ATOH7: variants seen among roughly 807,000 people sequenced by gnomAD.
ATOH7 encodes the protein atonal bHLH transcription factor 7, also known as transcription factor ATOH7.
In ATOH7, 11 loss-of-function variants were observed where a neutral mutation model predicts 11.0. That is an observed-to-expected ratio of 1.00 (90% CI 0.63 to 1.66). The LOEUF (loss-of-function observed/expected upper bound fraction) is 1.66. ATOH7 is among the 40% of genes most tolerant of loss of function. The probability of loss-of-function intolerance (pLI) is 0.00; values close to 1 mark genes in which losing one functional copy is unlikely to be tolerated. For synonymous variants in ATOH7, 98 were observed against 98.3 expected, an observed-to-expected ratio of 1.00 and a Z score of 0.02; for missense variants, 232 against 219.2, an observed-to-expected ratio of 1.06 and a Z score of -0.37.
At position 68,231,506 on chromosome 10, in the gene ATOH7, T is replaced by C. The variant is rs149474874; in HGVS notation, c.172A>G (p.Thr58Ala). ...RERRRMQGLN[T>A]AFDRLRRVVP... ...ACCCTGCGTAAGCGGTCGAAGGCAGTGTTGAGCCCCTGCATGCGGCGGCGC... is the reference window on the plus strand; with the variant it reads ...ACCCTGCGTAAGCGGTCGAAGGCAGCGTTGAGCCCCTGCATGCGGCGGCGC... Residue 58 changes from threonine to alanine, a missense_variant, in exon 1 of 1, where the codon ACT becomes GCT. By Grantham distance (58) the Thr-to-Ala change is moderately conservative (BLOSUM62 0). Coordinates refer to ENST00000373673, the MANE Select transcript of ATOH7 (RefSeq NM_145178.4). 4.8e-5 allele frequency: 70 copies of C among 1,451,370 alleles called. No individual in the cohort carries two copies. The highest frequency in any genetic ancestry group is 6.2e-5 in the Non-Finnish European group (67 of 1,088,804). 89.9% of individuals were successfully genotyped at this position (1,451,370 alleles called of 1,614,324 possible). A position where few individuals can be genotyped will look rare whatever the true frequency, so the allele number is the denominator to read the frequency against.
In ATOH7 at chr10:68,231,280, C is replaced by T; in HGVS notation, c.398G>A (p.Ser133Asn). The change falls in exon 1 of 1, where the codon AGC (serine) becomes AAC (asparagine). Residue 133 changes from serine to asparagine, a missense_variant. Ser to Asn is a conservative substitution (Grantham distance 46). Coordinates refer to ENST00000373673, the MANE Select transcript of ATOH7 (RefSeq NM_145178.4). Reference sequence around the variant, plus strand: ...GAAGAGTCTCTGGCTGTACAGCTCGCTCTCGCCCGGCAGCTTCGCGCCCGG... The same window carrying T: ...GAAGAGTCTCTGGCTGTACAGCTCGTTCTCGCCCGGCAGCTTCGCGCCCGG... ...PFPGAKLPGESELYSQRLFGF... is the reference protein window; with the variant it reads ...PFPGAKLPGENELYSQRLFGF... 1 of 1,608,866 alleles carries T rather than the reference C, an allele frequency of 6.2e-7. No individual in the cohort carries two copies. The highest frequency in any genetic ancestry group is 8.5e-7 in the Non-Finnish European group (1 of 1,178,472).
rs2044029167 is a variant in ATOH7, at chr10:68,231,728, A to C, written c.-51T>G. On this transcript the variant is annotated 5_prime_UTR_variant, in exon 1 of 1. Coordinates refer to ENST00000373673, the MANE Select transcript of ATOH7 (RefSeq NM_145178.4). Reference sequence around the variant, plus strand: ...GACCTCGCACGCCCGCCCGCTCAGGACCTGCGCGTGGGCTGGTCTCTCGAG... The same window carrying C: ...GACCTCGCACGCCCGCCCGCTCAGGCCCTGCGCGTGGGCTGGTCTCTCGAG... 1 of 1,121,794 alleles carries C rather than the reference A, an allele frequency of 8.9e-7. No individual in the cohort carries two copies. The highest frequency in any genetic ancestry group is 1.1e-6 in the Non-Finnish European group (1 of 902,722). 69.5% of individuals were successfully genotyped at this position (1,121,794 alleles called of 1,614,324 possible).
Position 68,230,859 on chromosome 10 carries a change from A to G in ATOH7, c.*360T>C, listed in dbSNP as rs868453364. 4.8e-6 allele frequency: 1 copy of G among 209,754 alleles called. No individual in the cohort carries two copies. Among genetic ancestry groups the G allele is most frequent in the African/African-American group, 2.3e-5 (1 of 43,764 alleles). 13.0% of individuals were successfully genotyped at this position (209,754 alleles called of 1,614,324 possible). A position where few individuals can be genotyped will look rare whatever the true frequency, so the allele number is the denominator to read the frequency against. On this transcript the variant is annotated 3_prime_UTR_variant, in exon 1 of 1. Coordinates refer to ENST00000373673, the MANE Select transcript of ATOH7 (RefSeq NM_145178.4). Reference sequence around the variant, plus strand: ...ACAGGACAAACTCACAAAGTTTAAGAAAGTGATTATTTCTCTGAGGACTGG... The same window carrying G: ...ACAGGACAAACTCACAAAGTTTAAGGAAGTGATTATTTCTCTGAGGACTGG...
Position 68,231,610 on chromosome 10 carries a change from G to C in ATOH7, c.68C>G (p.Thr23Ser). Reference protein sequence around the residue: ...ARVAPPCAGGTECAGTCAGAG... With the variant: ...ARVAPPCAGGSECAGTCAGAG... ...CCCGGCGCACGTGCCCGCGCACTCG[G>C]TGCCGCCCGCGCACGGGGGTGCAAC... Residue 23 changes from threonine (T) to serine (S), a missense_variant, in exon 1 of 1, where the codon ACC (threonine) becomes AGC (serine). Physicochemically the swap from Thr to Ser is moderately conservative, Grantham distance 58. Coordinates refer to ENST00000373673, the MANE Select transcript of ATOH7 (RefSeq NM_145178.4). The C allele has an allele frequency of 8.6e-7, 1 of 1,164,312 alleles. No individual in the cohort carries two copies. The highest frequency in any genetic ancestry group is 4.0e-5 in the East Asian group (1 of 24,992). 72.1% of individuals were successfully genotyped at this position (1,164,312 alleles called of 1,614,324 possible). A position where few individuals can be genotyped will look rare whatever the true frequency, so the allele number is the denominator to read the frequency against.
rs2044024683 is a variant in ATOH7 at position 68,231,260 on chromosome 10, GTCTCTGGC to G, written c.410_417del (p.Ser137ThrfsTer36). ...AAGGGCTCGGGCTGGAAGCCGAAGA[GTCTCTGGC>G]TGTACAGCTCGCTCTCGCCCGGCAG... is the stretch of plus-strand genomic sequence containing the variant. On this transcript the variant is annotated frameshift_variant, in exon 1 of 1. Transcript: ENST00000373673. LOFTEE classifies it high-confidence loss of function. The G allele has an allele frequency of 6.3e-7, 1 of 1,596,318 alleles. No individual in the cohort carries two copies. The highest frequency in any genetic ancestry group is 8.5e-7 in the Non-Finnish European group (1 of 1,173,348).
At position 68,231,282 on chromosome 10, in the gene ATOH7, C is replaced by T. The variant is rs368934719; in HGVS notation, c.396G>A (p.Glu132=). The T allele has an allele frequency of 3.9e-5, 62 of 1,609,148 alleles. No homozygotes were observed. Among genetic ancestry groups the T allele is most frequent in the Non-Finnish European group, 4.9e-5 (58 of 1,178,546 alleles). The change falls in exon 1 of 1, where the codon GAG becomes GAA. Residue 132 remains glutamate, a synonymous_variant. Transcript: ENST00000373673. The part of the protein sequence containing the change: ...LPFPGAKLPG[E]SELYSQRLFG... ...AGAGTCTCTGGCTGTACAGCTCGCT[C>T]TCGCCCGGCAGCTTCGCGCCCGGGA...
At position 68,231,354 on chromosome 10, in the gene ATOH7, C is replaced by T. The variant is rs1262938682; in HGVS notation, c.324G>A (p.Trp108Ter). Reference sequence around the variant, plus strand: ...CGAAGTGCTCACAGTGGAGACCCACCCAGTCCCGCTCCGAGCCGAATCGCT... The same window carrying T: ...CGAAGTGCTCACAGTGGAGACCCACTCAGTCCCGCTCCGAGCCGAATCGCT... ...EAERFGSERD[W>*]VGLHCEHFGR... The change falls in exon 1 of 1, where the codon TGG (tryptophan) becomes TGA (stop). Residue 108 changes from tryptophan to a stop codon, truncating the protein, a stop_gained. Transcript: ENST00000373673. LOFTEE classifies it high-confidence loss of function. 1.9e-5 allele frequency: 30 copies of T among 1,613,474 alleles called. No homozygotes were observed. Among genetic ancestry groups the T allele is most frequent in the African/African-American group, 2.7e-5 (2 of 74,920 alleles).
Position 68,231,687 on chromosome 10 carries a change from C to T in ATOH7, c.-10G>A. ...GCTTGCAGGACTTCATCCCCGGCCC[C>T]AAGCAGCGAGGCGCCGACCTCGCAC... On this transcript the variant is annotated 5_prime_UTR_variant, in exon 1 of 1. Coordinates refer to ENST00000373673, the MANE Select transcript of ATOH7 (RefSeq NM_145178.4). 1 of 1,184,964 alleles carries T rather than the reference C, an allele frequency of 8.4e-7. No individual in the cohort carries two copies. Among genetic ancestry groups the T allele is most frequent in the East Asian group, 3.7e-5 (1 of 26,810 alleles). 73.4% of individuals were successfully genotyped at this position (1,184,964 alleles called of 1,614,324 possible). A position where few individuals can be genotyped will look rare whatever the true frequency, so the allele number is the denominator to read the frequency against.
In ATOH7 at chr10:68,231,919, CAA is replaced by C. The variant is rs2044030108; in HGVS notation, c.-244_-243del. 4.9e-6 allele frequency: 1 copy of C among 205,354 alleles called. No homozygotes were observed. The highest frequency in any genetic ancestry group is 1.1e-5 in the Non-Finnish European group (1 of 93,406). 12.7% of individuals were successfully genotyped at this position (205,354 alleles called of 1,614,324 possible). ...CAAATTTAGGGGAAAATGAGATGCT[CAA>C]GAGAAAGTCATTTTCTCAACATGAA... On this transcript the variant is annotated 5_prime_UTR_variant, in exon 1 of 1. The change abolishes the stop of an existing upstream ORF in the 5' untranslated region. Transcript: ENST00000373673.
Position 68,231,614 on chromosome 10 carries a change from C to T in ATOH7, c.64G>A (p.Gly22Ser). The change falls in exon 1 of 1, where the codon GGC (glycine) becomes AGC (serine). Residue 22 changes from glycine (G) to serine (S), a missense_variant. By Grantham distance (56) the Gly-to-Ser change is moderately conservative (BLOSUM62 0). Transcript: ENST00000373673. ...GCGCACGTGCCCGCGCACTCGGTGCCGCCCGCGCACGGGGGTGCAACGCGC... is the reference window on the plus strand; with the variant it reads ...GCGCACGTGCCCGCGCACTCGGTGCTGCCCGCGCACGGGGGTGCAACGCGC... ...GARVAPPCAG[G>S]TECAGTCAGA... The T allele has an allele frequency of 2.6e-6, 3 of 1,162,056 alleles. No homozygotes were observed. Among genetic ancestry groups the T allele is most frequent in the Non-Finnish European group, 3.2e-6 (3 of 942,044 alleles). 72.0% of individuals were successfully genotyped at this position (1,162,056 alleles called of 1,614,324 possible). A position where few individuals can be genotyped will look rare whatever the true frequency, so the allele number is the denominator to read the frequency against.
chr10:68,231,356 A>T lies in ATOH7; in HGVS notation c.322T>A (p.Trp108Arg). ...AAGTGCTCACAGTGGAGACCCACCC[A>T]GTCCCGCTCCGAGCCGAATCGCTCG... Reference protein sequence around the residue: ...EAERFGSERDWVGLHCEHFGR... With the variant: ...EAERFGSERDRVGLHCEHFGR... Residue 108 changes from tryptophan to arginine, a missense_variant, in exon 1 of 1, where the codon TGG (tryptophan) becomes AGG (arginine). Trp to Arg is a moderately radical substitution (Grantham distance 101, BLOSUM62 -3). Transcript: ENST00000373673. The T allele has an allele frequency of 6.2e-7, 1 of 1,613,598 alleles. No homozygotes were observed. The highest frequency in any genetic ancestry group is 8.5e-7 in the Non-Finnish European group (1 of 1,179,898).
In ATOH7 at chr10:68,231,614, C is replaced by G. The variant is rs2044028251; in HGVS notation, c.64G>C (p.Gly22Arg). The change falls in exon 1 of 1, where the codon GGC becomes CGC. Residue 22 changes from glycine to arginine, a missense_variant. Physicochemically the swap from Gly to Arg is moderately radical, Grantham distance 125 (BLOSUM62 -2). Coordinates refer to ENST00000373673, the MANE Select transcript of ATOH7 (RefSeq NM_145178.4). Reference protein sequence around the residue: ...GARVAPPCAGGTECAGTCAGA... With the variant: ...GARVAPPCAGRTECAGTCAGA... ...GCGCACGTGCCCGCGCACTCGGTGC[C>G]GCCCGCGCACGGGGGTGCAACGCGC... 1 of 1,162,056 alleles carries G rather than the reference C, an allele frequency of 8.6e-7. No individual in the cohort carries two copies. The highest frequency in any genetic ancestry group is 1.1e-6 in the Non-Finnish European group (1 of 942,044). The allele number at this position is 1,162,056 out of a possible 1,614,324, so 72.0% of individuals were successfully genotyped here. A position where few individuals can be genotyped will look rare whatever the true frequency, so the allele number is the denominator to read the frequency against.
rs1423220213 is a variant in ATOH7 at position 68,231,330 on chromosome 10, G to A, written c.348C>T (p.Phe116=). Residue 116 remains phenylalanine (F), a synonymous_variant, in exon 1 of 1, where the codon TTC becomes TTT. Transcript: ENST00000373673. ...RDWVGLHCEH[F]GRDHYLPFPG... ...GGAACGGGAGGTAGTGGTCGCGGCC[G>A]AAGTGCTCACAGTGGAGACCCACCC... 6.2e-7 allele frequency: 1 copy of A among 1,612,988 alleles called. No individual in the cohort carries two copies. Among genetic ancestry groups the A allele is most frequent in the South Asian group, 1.1e-5 (1 of 90,986 alleles).
In ATOH7 at chr10:68,231,252, G is replaced by A. The variant is rs773961010; in HGVS notation, c.426C>T (p.Gly142=). The A allele has an allele frequency of 1.9e-6, 3 of 1,576,468 alleles. No individual in the cohort carries two copies. In the Admixed American group the frequency reaches 5.2e-5, roughly 28 times the overall value. The change falls in exon 1 of 1, where the codon GGC becomes GGT. Residue 142 remains glycine, a synonymous_variant. Transcript: ENST00000373673. ...CCATCTGGAAGGGCTCGGGCTGGAA[G>A]CCGAAGAGTCTCTGGCTGTACAGCT... ...ESELYSQRLF[G]FQPEPFQMAT is the part of the protein sequence containing the mutation.
At position 68,231,582 on chromosome 10, in the gene ATOH7, G is replaced by A. The variant is rs2044027920; in HGVS notation, c.96C>T (p.Ala32=). ...GTECAGTCAG[A]GRLESAARRR... ...TGCGCGCCGCGCTCTCCAGCCGCCC[G>A]GCCCCGGCGCACGTGCCCGCGCACT... The change falls in exon 1 of 1, where the codon GCC becomes GCT. Residue 32 remains alanine, a synonymous_variant. Coordinates refer to ENST00000373673, the MANE Select transcript of ATOH7 (RefSeq NM_145178.4). 1 of 1,198,242 alleles carries A rather than the reference G, an allele frequency of 8.3e-7. No individual in the cohort carries two copies. The highest frequency in any genetic ancestry group is 1.0e-6 in the Non-Finnish European group (1 of 961,926). 74.2% of individuals were successfully genotyped at this position (1,198,242 alleles called of 1,614,324 possible). A position where few individuals can be genotyped will look rare whatever the true frequency, so the allele number is the denominator to read the frequency against.
In ATOH7 at chr10:68,231,486, G is replaced by T; in HGVS notation, c.192C>A (p.Arg64=). Residue 64 remains arginine (R), a synonymous_variant, in exon 1 of 1, where the codon CGC becomes CGA. Transcript: ENST00000373673. Reference sequence around the variant, plus strand: ...CCTGGCCCCACTGGGGAACCACCCTGCGTAAGCGGTCGAAGGCAGTGTTGA... The same window carrying T: ...CCTGGCCCCACTGGGGAACCACCCTTCGTAAGCGGTCGAAGGCAGTGTTGA... ...QGLNTAFDRL[R]RVVPQWGQDK... 1 of 1,596,312 alleles carries T rather than the reference G, an allele frequency of 6.3e-7. No individual in the cohort carries two copies. The highest frequency in any genetic ancestry group is 8.5e-7 in the Non-Finnish European group (1 of 1,171,810).
rs1469755069 is a variant in ATOH7, at chr10:68,231,750, C to A, written c.-73G>T. The A allele has an allele frequency of 3.0e-6, 3 of 1,006,280 alleles. No homozygotes were observed. The Admixed American group carries it at 1.6e-4, about 55-fold the overall frequency. 62.3% of individuals were successfully genotyped at this position (1,006,280 alleles called of 1,614,324 possible). ...AGGACCTGCGCGTGGGCTGGTCTCTCGAGCCGCTTCCCAACGTGCCTCTTC... is the reference window on the plus strand; with the variant it reads ...AGGACCTGCGCGTGGGCTGGTCTCTAGAGCCGCTTCCCAACGTGCCTCTTC... On this transcript the variant is annotated 5_prime_UTR_variant, in exon 1 of 1. Transcript: ENST00000373673.
chr10:68,231,729 C>T lies in ATOH7; in HGVS notation c.-52G>A, dbSNP rs2134380986. The T allele has an allele frequency of 1.8e-6, 2 of 1,122,012 alleles. No individual in the cohort carries two copies. Among genetic ancestry groups the T allele is most frequent in the South Asian group, 4.4e-5 (1 of 22,830 alleles). 69.5% of individuals were successfully genotyped at this position (1,122,012 alleles called of 1,614,324 possible). On this transcript the variant is annotated 5_prime_UTR_variant, in exon 1 of 1. Coordinates refer to ENST00000373673, the MANE Select transcript of ATOH7 (RefSeq NM_145178.4). ...ACCTCGCACGCCCGCCCGCTCAGGA[C>T]CTGCGCGTGGGCTGGTCTCTCGAGC...
rs2044023430 is a variant in ATOH7 at position 68,231,088 on chromosome 10, T to C, written c.*131A>G. ...TCTGATGATGCGAATAAAGGTAATC[T>C]GAGAATCGACTAATTTTCCTCGAGG... On this transcript the variant is annotated 3_prime_UTR_variant, in exon 1 of 1. Transcript: ENST00000373673. The C allele has an allele frequency of 5.1e-5, 47 of 925,712 alleles. No homozygotes were observed. The highest frequency in any genetic ancestry group is 7.0e-5 in the Non-Finnish European group (46 of 653,780). 57.3% of individuals were successfully genotyped at this position (925,712 alleles called of 1,614,324 possible).
Sources: gnomAD v4.1 joint callset for allele counts on GRCh38, gnomAD v4.1.1 for gene constraint, MANE v1.5 for transcripts, NCBI Gene and HGNC (gene_info 2026-07-23, HGNC 2026-07-21) for gene names.